Variants in RALGPS1 observed in about 807,000 individuals in gnomAD.
RALGPS1 encodes the protein Ral GEF with PH domain and SH3 binding motif 1.
A neutral mutation model predicts 78.8 loss-of-function variants in RALGPS1; 19 were observed. The observed-to-expected ratio is 0.24, with a 90% CI of 0.17 to 0.35. The LOEUF is 0.35. Ranked by LOEUF, RALGPS1 falls within the 10% of genes least tolerant of loss-of-function variation. RALGPS1 has a pLI of 1.00. For synonymous variants in RALGPS1, 228 were observed against 256.3 expected (o/e 0.89, Z 1.06); for missense variants, 454 against 688.3 (o/e 0.66, Z 3.81).
intron 11 of RALGPS1, chr9:127,178,352 T>C: frequency 1.5e-5 from 10 of 650,082 alleles, no homozygotes; most frequent in Non-Finnish European, 2.1e-5. Flanking sequence ...CTGAATTGTG[T>C]GAACAGACTA....
intron 8 of RALGPS1, among the ~76,000 whole-genome samples, chr9:127,118,167 G>A (rs1478739530): frequency 6.6e-6 from 1 of 152,160 alleles, no homozygotes; most frequent in East Asian, 1.9e-4. Flanking sequence ...GGATTCTCCT[G>A]CCACACCCAA....
intron 4 of RALGPS1, among the ~76,000 whole-genome samples, chr9:127,011,302 C>T (rs149581014): frequency 0.063 from 9,636 of 152,088 alleles, 993 homozygotes; most frequent in African/African-American, 0.22. Context: ...CTCCGCCTCC[C>T]GAGTAGCTGG....
chr9:127,098,715 TG>T (rs1249697275), intron 8 of RALGPS1, among the ~76,000 whole-genome samples: 2 of 152,156 alleles, frequency 1.3e-5, no homozygotes, highest in Non-Finnish European at 1.5e-5. Context: ...ACAAGGACCA[TG>T]GCCTCCCAGG....
intron 7 of RALGPS1, among the ~76,000 whole-genome samples, chr9:127,068,440 C>T (rs975801664): frequency 6.6e-6 from 1 of 152,204 alleles, no homozygotes; most frequent in African/African-American, 2.4e-5. Context: ...TTTTCTACCT[C>T]AGCACCTTGC....
intron 6 of RALGPS1, among the ~76,000 whole-genome samples, chr9:127,051,019 A>G (rs2048264604): frequency 6.6e-6 from 1 of 152,352 alleles, no homozygotes; most frequent in Non-Finnish European, 1.5e-5. Flanking sequence ...TCAGGGCCCC[A>G]TAGCCAGTCA....
chr9:127,087,755 G>T (rs1788311674), intron 8 of RALGPS1: 2 of 152,212 alleles, frequency 1.3e-5, no homozygotes, highest in South Asian at 4.1e-4. Flanking sequence ...CCAGGGAAGT[G>T]TAGTTTGGAG....
At chr9:127,087,142 T>A (rs1370479372) in intron 8 of RALGPS1, among the ~76,000 whole-genome samples, 1 of 152,088 alleles carries the variant, frequency 6.6e-6, no homozygotes, top group Non-Finnish European at 1.5e-5. Flanking sequence ...GAAGTGGAGC[T>A]CCAGAGAGCC....
intron 5 of RALGPS1, among the ~76,000 whole-genome samples, chr9:127,043,109 A>G (rs2047458597): frequency 1.3e-5 from 2 of 152,248 alleles, no homozygotes; most frequent in African/African-American, 2.4e-5. Flanking sequence ...CTTGATCAAT[A>G]GATCCAGTGC....
chr9:126,982,758 T>A (rs2041368174), intron 4 of RALGPS1, among the ~76,000 whole-genome samples: 1 of 151,754 alleles, frequency 6.6e-6, no homozygotes, highest in Non-Finnish European at 1.5e-5. Flanking sequence ...CTTCTTATTC[T>A]TTTAAAATAT....
chr9:126,964,368 C>CAA (rs1188705839), intron 2 of RALGPS1, among the ~76,000 whole-genome samples: 18 of 42,846 alleles, frequency 4.2e-4, no homozygotes, highest in Admixed American at 5.0e-4. Flanking sequence ...GACTCCCACT[C>CAA]AAAAAAAAAA....
intron 1 of RALGPS1, among the ~76,000 whole-genome samples, chr9:126,953,170 C>T (rs2038021879): frequency 6.6e-6 from 1 of 152,114 alleles, no homozygotes; most frequent in Non-Finnish European, 1.5e-5. Flanking sequence ...ATGGGATTTT[C>T]CTTTCCCTCT....
At chr9:127,174,854 C>A in intron 11 of RALGPS1, 72 bp downstream of exon 11, 1 of 1,407,260 alleles carries the variant, frequency 7.1e-7, no homozygotes, top group Non-Finnish European at 1.0e-6. Flanking sequence ...TTGGCCTTGA[C>A]CGGGGAGGCC....
intron 1 of RALGPS1, among the ~76,000 whole-genome samples, chr9:126,934,299 C>A (rs1588504709): frequency 6.6e-6 from 1 of 152,234 alleles, no homozygotes; most frequent in African/African-American, 2.4e-5. Flanking sequence ...ATTTTCCCTA[C>A]TTTTATAGTG....
chr9:126,967,176 C>T (rs1344256344), intron 3 of RALGPS1, among the ~76,000 whole-genome samples: 2 of 152,188 alleles, frequency 1.3e-5, no homozygotes, highest in Non-Finnish European at 2.9e-5. Context: ...TCATCTCCTT[C>T]AGTGTGTCTG....
chr9:126,966,981 T>C (rs1342913724), intron 3 of RALGPS1, among the ~76,000 whole-genome samples: 2 of 152,220 alleles, frequency 1.3e-5, no homozygotes, highest in African/African-American at 4.8e-5. Flanking sequence ...AGCGTTGAAC[T>C]TCTCTCCAGA....
intron 1 of RALGPS1, among the ~76,000 whole-genome samples, chr9:126,956,645 GC>G (rs934689114): frequency 2.6e-5 from 4 of 152,156 alleles, no homozygotes; most frequent in African/African-American, 9.7e-5. Context: ...CCTGGACTCA[GC>G]TATGCTCCCT....
intron 4 of RALGPS1, among the ~76,000 whole-genome samples, chr9:126,982,975 T>C (rs1260559042): frequency 7.2e-6 from 1 of 139,696 alleles, no homozygotes; most frequent in Non-Finnish European, 1.5e-5. Flanking sequence ...TCGCTCTTGT[T>C]GCCCAGGCTG....
intron 8 of RALGPS1, among the ~76,000 whole-genome samples, chr9:127,085,886 A>G (rs1327104701): frequency 2.6e-5 from 4 of 152,158 alleles, no homozygotes. Context: ...TATTTTCCTC[A>G]AATAGCATTC....
chr9:127,210,915 T>G, intron 14 of RALGPS1: 13 of 691,396 alleles, frequency 1.9e-5, no homozygotes, highest in Non-Finnish European at 2.1e-5. Flanking sequence ...CCAGGTGCAC[T>G]GGCTGTCCCA....
Sources: allele counts gnomAD v4.1 joint callset (sites outside exome capture counted in the v4.1 genomes callset), GRCh38; gene constraint gnomAD v4.1.1; transcripts MANE v1.5; gene names NCBI Gene and HGNC (gene_info 2026-07-23, HGNC 2026-07-21).